Variants in SNTG2 observed in about 807,000 individuals in gnomAD.
SNTG2 encodes syntrophin gamma 2, also known as gamma-2-syntrophin.
Under a neutral mutation model 70.9 loss-of-function variants are expected in SNTG2, and 74 were observed. The ratio of observed to expected loss-of-function variants is 1.04; its 90% CI spans 0.86 to 1.27. SNTG2 has a LOEUF of 1.27. SNTG2 is among the 50% of genes most tolerant of loss of function. The probability of loss-of-function intolerance (pLI) is 0.00; values close to 1 mark genes in which losing one functional copy is unlikely to be tolerated. For missense variants in SNTG2, 717 were observed against 690.7 expected, an observed-to-expected ratio of 1.04 and a Z score of -0.43; for synonymous variants, 278 against 273.8, an observed-to-expected ratio of 1.02 and a Z score of -0.15.
intron 4 of SNTG2, among the ~76,000 whole-genome samples, chr2:1,101,234 C>G (rs1665763089): frequency 6.6e-6 from 1 of 152,176 alleles, no homozygotes; most frequent in Admixed American, 6.5e-5. Flanking sequence ...CCTCCCCCAG[C>G]CAGCTTGCCT....
rs78984352 is a variant in SNTG2 at position 1,032,954 on chromosome 2, C to T, written c.73-50564C>T. On this transcript the variant is annotated intron_variant, in intron 1 of 16. Transcript: ENST00000308624. ...GGAAGGCTCAGGAATCTTCCAATCG[C>T]GGCAGAATGCAAAGCTGGGGCAGTC... 3.5e-4 allele frequency among the ~76,000 whole-genome samples: 53 copies of T among 152,222 alleles called. No individual in the cohort carries two copies. In the East Asian group the frequency reaches 5.0e-3, roughly 14 times the overall value.
chr2:1,054,495 C>T (rs7425564), intron 1 of SNTG2, among the ~76,000 whole-genome samples: 123,830 of 152,162 alleles, frequency 0.81, 51,012 homozygotes, highest in Middle Eastern at 0.91. Context: ...TCCCAAGCTC[C>T]TACTGTGGTT....
chr2:1,186,595 G>A (rs1672266745), intron 8 of SNTG2, among the ~76,000 whole-genome samples: 1 of 152,122 alleles, frequency 6.6e-6, no homozygotes, highest in South Asian at 2.1e-4. Flanking sequence ...GAAGCCAAAG[G>A]GGAAGCAGGC....
intron 2 of SNTG2, among the ~76,000 whole-genome samples, chr2:1,088,470 A>T (rs79090036): frequency 0.063 from 9,592 of 152,326 alleles, 438 homozygotes; most frequent in Non-Finnish European, 0.094. Context: ...CATTAGGGGA[A>T]GGTCTGATGG....
chr2:1,139,422 G>A (rs986711462), intron 6 of SNTG2, among the ~76,000 whole-genome samples: 2 of 152,086 alleles, frequency 1.3e-5, no homozygotes, highest in Non-Finnish European at 2.9e-5. Context: ...TTTTAGTAGA[G>A]ATGGGGTTTT....
intron 8 of SNTG2, among the ~76,000 whole-genome samples, chr2:1,183,206 C>T (rs1179924180): frequency 6.6e-6 from 1 of 151,648 alleles, no homozygotes; most frequent in Non-Finnish European, 1.5e-5. Context: ...CCTTGCTATC[C>T]AGTATTCCAC....
At position 1,222,086 on chromosome 2, in the gene SNTG2, T is replaced by C. The variant is rs1484412354; in HGVS notation, c.719+12856T>C. ...CTGTTTCTCTCTGTCTCTGTCTCTG[T>C]CTCTCTCTGTCTCTCTCTGTCTCTC... On this transcript the variant is annotated intron_variant, in intron 9 of 16. Transcript: ENST00000308624. 5.3e-4 allele frequency among the ~76,000 whole-genome samples: 10 copies of C among 18,786 alleles called. 1 individual carries two copies. The highest frequency in any genetic ancestry group is 8.3e-4 in the Non-Finnish European group (6 of 7,206). The allele number at this position is 18,786 out of a possible 152,430, so 12.3% of individuals were successfully genotyped here.
intron 6 of SNTG2, among the ~76,000 whole-genome samples, chr2:1,143,455 T>G (rs4971386): frequency 0.37 from 56,555 of 151,654 alleles, 11,398 homozygotes; most frequent in East Asian, 0.82. Flanking sequence ...ACTAGGATTT[T>G]GTCAGGAAAA....
chr2:1,227,950 C>CAGCCTCCCGCCTCGTGCAGGGGATGA (rs1335039807), intron 9 of SNTG2, among the ~76,000 whole-genome samples: 2 of 152,116 alleles, frequency 1.3e-5, no homozygotes, highest in Admixed American at 6.5e-5. Flanking sequence ...GAGAGGCTGG[C>CAGCCTCCCGCCTCGTGCAGGGGATGA]AGCCTCCCGC....
At chr2:1,142,200 G>A (rs28408262) in intron 6 of SNTG2, among the ~76,000 whole-genome samples, 150,180 of 152,324 alleles carry the variant, frequency 0.99, 74,065 homozygotes, top group East Asian at 1. Flanking sequence ...CAAATCAATT[G>A]CAACTGCAAT....
chr2:1,123,149 A>T (rs1025689624), intron 4 of SNTG2, among the ~76,000 whole-genome samples: 1 of 152,296 alleles, frequency 6.6e-6, no homozygotes, highest in East Asian at 1.9e-4. Flanking sequence ...AGCCAAAGTT[A>T]TATATAGATT....
chr2:1,155,169 ACCCCCC>A (rs139002182), intron 6 of SNTG2, among the ~76,000 whole-genome samples: 28 of 5,748 alleles, frequency 4.9e-3, no homozygotes, highest in Non-Finnish European at 0.015. Flanking sequence ...ACACACGTAG[ACCCCCC>A]CCCCACACAC....
In SNTG2 at chr2:1,187,647, A is replaced by G. The variant is rs73908931; in HGVS notation, c.591+14464A>G. ...TAATATAGTAGTTAAAGGCAATCCA[A>G]TTCTAGGCAAACTATTGTGAAACTA... On this transcript the variant is annotated intron_variant, in intron 8 of 16. Transcript: ENST00000308624. Among the ~76,000 whole-genome samples the G allele has an allele frequency of 4.0e-3, 611 of 152,298 alleles. 3 individuals are homozygous for G. The highest frequency in any genetic ancestry group is 0.014 in the African/African-American group (591 of 41,560).
chr2:1,098,663 C>T (rs148962904), intron 4 of SNTG2, among the ~76,000 whole-genome samples: 3 of 152,116 alleles, frequency 2.0e-5, no homozygotes, highest in Admixed American at 1.3e-4. Flanking sequence ...GGTTATCCCC[C>T]CTCTAAAGAT....
At chr2:1,155,140 AGACACACT>A (rs1669786964) in intron 6 of SNTG2, among the ~76,000 whole-genome samples, 1 of 138,340 alleles carries the variant, frequency 7.2e-6, no homozygotes, top group African/African-American at 3.2e-5. Context: ...ACAAACACAC[AGACACACT>A]CCATACACAC....
intron 4 of SNTG2, among the ~76,000 whole-genome samples, chr2:1,115,266 C>T (rs1006928942): frequency 2.7e-5 from 4 of 149,764 alleles, no homozygotes; most frequent in Non-Finnish European, 4.4e-5. Context: ...GAGGTTTAAC[C>T]CTTACAGTCC....
chr2:1,366,119 C>A (rs1180507500), intron 16 of SNTG2, among the ~76,000 whole-genome samples: 1 of 152,148 alleles, frequency 6.6e-6, no homozygotes, highest in Non-Finnish European at 1.5e-5. Flanking sequence ...TTAGAATATG[C>A]TAGAATTTTG....
intron 14 of SNTG2, among the ~76,000 whole-genome samples, chr2:1,294,856 A>C (rs1410831825): frequency 2.6e-5 from 4 of 152,236 alleles, no homozygotes; most frequent in African/African-American, 9.6e-5. Context: ...GTCTGGAGGA[A>C]GAAATCAAGC....
At position 1,266,462 on chromosome 2, in the gene SNTG2, C is replaced by T. The variant is rs771557219; in HGVS notation, c.1078-903C>T. Among the ~76,000 whole-genome samples the T allele has an allele frequency of 7.0e-4, 106 of 152,292 alleles. 1 individual carries two copies. Among genetic ancestry groups the T allele is most frequent in the African/African-American group, 2.5e-3 (104 of 41,570 alleles). ...AAGTAACTTACATCTCTGGGTTAAA[C>T]GATTAACCAGAAATGGAACAACATC... On this transcript the variant is annotated intron_variant, in intron 13 of 16. Coordinates refer to ENST00000308624, the MANE Select transcript of SNTG2 (RefSeq NM_018968.4).
Sources: gnomAD v4.1 joint callset for allele counts (sites outside exome capture counted in the v4.1 genomes callset) on GRCh38, gnomAD v4.1.1 for gene constraint, MANE v1.5 for transcripts, NCBI Gene and HGNC (gene_info 2026-07-23, HGNC 2026-07-21) for gene names.